KCNH7: variants seen among roughly 807,000 people sequenced by gnomAD.
KCNH7 encodes the protein voltage-gated inwardly rectifying potassium channel KCNH7.
In KCNH7, 49 loss-of-function variants were observed where a neutral mutation model predicts 120.8. That is an observed-to-expected ratio of 0.41 (90% confidence interval 0.32 to 0.51). The LOEUF is 0.51. Ranked by LOEUF, KCNH7 falls within the 20% of genes least tolerant of loss-of-function variation. The probability of loss-of-function intolerance (pLI) is 0.38; values close to 1 mark genes in which losing one functional copy is unlikely to be tolerated. For missense variants in KCNH7, 1,097 were observed against 1,446.6 expected, an observed-to-expected ratio of 0.76 and a Z score of 3.92; for synonymous variants, 547 against 516.1, an observed-to-expected ratio of 1.06 and a Z score of -0.81.
intron 5 of KCNH7, among the ~76,000 whole-genome samples, chr2:162,511,480 C>CAAA (rs34204046): frequency 1.0e-5 from 1 of 96,006 alleles, no homozygotes; most frequent in African/African-American, 3.8e-5. Flanking sequence ...GTGGACAGGT[C>CAAA]AAAAAAAAAA....
At chr2:162,616,379 C>T (rs559714763) in intron 2 of KCNH7, among the ~76,000 whole-genome samples, 1 of 152,282 alleles carries the variant, frequency 6.6e-6, no homozygotes, top group South Asian at 2.1e-4. Context: ...ATAAATCACA[C>T]GATTAATGTG....
intron 2 of KCNH7, among the ~76,000 whole-genome samples, chr2:162,620,193 C>T (rs1452713390): frequency 6.7e-6 from 1 of 149,272 alleles, no homozygotes; most frequent in Non-Finnish European, 1.5e-5. Flanking sequence ...TGTTATGTAT[C>T]CTTTTATTTT....
chr2:162,435,743 C>A, intron 7 of KCNH7, 146 bp from the exon 8 acceptor site: 1 of 647,758 alleles, frequency 1.5e-6, no homozygotes, highest in Non-Finnish European at 2.4e-6. Context: ...AAACTTGGTT[C>A]TTTTTTTTTT....
intron 6 of KCNH7, among the ~76,000 whole-genome samples, chr2:162,484,876 C>T (rs560031800): frequency 4.6e-5 from 7 of 152,132 alleles, no homozygotes; most frequent in African/African-American, 1.7e-4. Flanking sequence ...CCTTCCATCA[C>T]GAGTGGAAGC....
chr2:162,784,289 G>C (rs1263412640), intron 2 of KCNH7, among the ~76,000 whole-genome samples: 1 of 152,124 alleles, frequency 6.6e-6, no homozygotes, highest in Admixed American at 6.5e-5. Flanking sequence ...CATCCTGTGG[G>C]CTGCTTTTAT....
chr2:162,829,806 T>C (rs1685409396), intron 2 of KCNH7, among the ~76,000 whole-genome samples: 1 of 151,850 alleles, frequency 6.6e-6, no homozygotes, highest in African/African-American at 2.4e-5. Flanking sequence ...GCATTACACT[T>C]TTCCTATAAC....
intron 2 of KCNH7, among the ~76,000 whole-genome samples, chr2:162,788,866 A>G (rs146768493): frequency 0.016 from 2,410 of 152,048 alleles, 58 homozygotes; most frequent in African/African-American, 0.05. Context: ...ACAGAGGATT[A>G]TAAATTAGCA....
At chr2:162,729,645 T>C (rs1687652360) in intron 2 of KCNH7, among the ~76,000 whole-genome samples, 1 of 152,206 alleles carries the variant, frequency 6.6e-6, no homozygotes, top group Admixed American at 6.5e-5. Context: ...TAAAACTAGA[T>C]AGTGCCTTCA....
chr2:162,787,585 C>T (rs563788544), intron 2 of KCNH7, among the ~76,000 whole-genome samples: 1 of 152,334 alleles, frequency 6.6e-6, no homozygotes, highest in Admixed American at 6.5e-5. Context: ...GGTGCCAGCA[C>T]TACCGCAGTA....
intron 2 of KCNH7, among the ~76,000 whole-genome samples, chr2:162,584,834 A>G (rs921236819): frequency 5.4e-5 from 7 of 130,256 alleles, no homozygotes; most frequent in African/African-American, 2.2e-4. Context: ...GTCCTAATTC[A>G]TTCTCCTTTT....
intron 9 of KCNH7, among the ~76,000 whole-genome samples, chr2:162,401,630 C>T (rs1687066580): frequency 6.6e-6 from 1 of 151,886 alleles, no homozygotes; most frequent in Non-Finnish European, 1.5e-5. Context: ...AAGGATCCTA[C>T]TGTGTATAGG....
intron 2 of KCNH7, among the ~76,000 whole-genome samples, chr2:162,702,605 G>T (rs1199660584): frequency 1.3e-5 from 2 of 152,110 alleles, no homozygotes; most frequent in African/African-American, 4.8e-5. Context: ...AAGAATTTAA[G>T]ACATGTGTTC....
At chr2:162,770,248 T>G (rs1682994433) in intron 2 of KCNH7, among the ~76,000 whole-genome samples, 1 of 151,458 alleles carries the variant, frequency 6.6e-6, no homozygotes, top group South Asian at 2.1e-4. Flanking sequence ...TAGAGAACAG[T>G]AGAGATGTTT....
chr2:162,504,229 CA>C (rs1690787554), intron 6 of KCNH7, among the ~76,000 whole-genome samples: 1 of 151,956 alleles, frequency 6.6e-6, no homozygotes, highest in Non-Finnish European at 1.5e-5. Flanking sequence ...CATGTTAGCC[CA>C]TTTTTGCTTA....
At chr2:162,658,147 C>T (rs1684834880) in intron 2 of KCNH7, among the ~76,000 whole-genome samples, 1 of 151,584 alleles carries the variant, frequency 6.6e-6, no homozygotes. Flanking sequence ...GCTTACCAGA[C>T]ACCAAATCTA....
At chr2:162,750,067 T>C (rs917616487) in intron 2 of KCNH7, among the ~76,000 whole-genome samples, 1 of 152,114 alleles carries the variant, frequency 6.6e-6, no homozygotes, top group Non-Finnish European at 1.5e-5. Flanking sequence ...GAATGACAAC[T>C]CTGGATTCAA....
chr2:162,676,736 T>C (rs1294929656), intron 2 of KCNH7, among the ~76,000 whole-genome samples: 1 of 151,402 alleles, frequency 6.6e-6, no homozygotes, highest in Admixed American at 6.6e-5. Context: ...ACAGTTATGG[T>C]TTTAAAATTT....
chr2:162,400,385 C>T lies in KCNH7; in HGVS notation c.2211G>A (p.Gln737=), dbSNP rs370109886. The stretch of plus-strand genomic sequence containing the variant: ...AGGCTTTGCAGTTTTGCAGCAATGT[C>T]TGGTTGAGATGTAGACAAATGTCTG... ...LQADICLHLN[Q]TLLQNCKAFR... is the part of the protein sequence containing the mutation. The change falls in exon 10 of 16, where the codon CAG becomes CAA. Residue 737 remains glutamine (Q), a synonymous_variant. Transcript: ENST00000332142. The T allele has an allele frequency of 5.0e-6, 8 of 1,612,164 alleles. 1 individual carries two copies. The African/African-American group carries it at 8.0e-5, about 16-fold the overall frequency.
rs1686525740 is a variant in KCNH7, at chr2:162,384,767, T to C, written c.2883A>G (p.Lys961=). The change falls in exon 13 of 16, where the codon AAA becomes AAG. Residue 961 remains lysine (K), a synonymous_variant. Transcript: ENST00000332142. ...GIVDSSPGIG[K]ASGLDFEETV... is the part of the protein sequence containing the mutation. ...TTTCTTCAAAATCGAGCCCAGATGC[T>C]TTCCCTATTCCTGGAGAAGAGTCTA... 1.2e-6 allele frequency: 2 copies of C among 1,612,838 alleles called. No homozygotes were observed. The highest frequency in any genetic ancestry group is 1.7e-5 in the Admixed American group (1 of 59,916).
Sources: gnomAD v4.1 joint callset for allele counts (sites outside exome capture counted in the v4.1 genomes callset) on GRCh38, gnomAD v4.1.1 for gene constraint, MANE v1.5 for transcripts, NCBI Gene and HGNC (gene_info 2026-07-23, HGNC 2026-07-21) for gene names.